The following STAU1 variants were observed in gnomAD, a reference collection of about 807,000 sequenced individuals.
STAU1 encodes double-stranded RNA-binding protein Staufen homolog 1.
Under a neutral mutation model 62.9 loss-of-function variants are expected in STAU1, and 13 were observed. The observed-to-expected ratio is 0.21, with a 90% CI of 0.13 to 0.33. STAU1 has a LOEUF of 0.33. STAU1 is among the 10% of genes least tolerant of loss of function. The pLI, the probability that STAU1 is intolerant of heterozygous loss-of-function variation, is 1.00. For synonymous variants in STAU1, 269 were observed against 265.1 expected, an observed-to-expected ratio of 1.01 and a Z score of -0.14; for missense variants, 571 against 712.1, an observed-to-expected ratio of 0.80 and a Z score of 2.25.
chr20:49,160,286 T>A (rs976209876), intron 3 of STAU1, among the ~76,000 whole-genome samples: 9 of 152,212 alleles, frequency 5.9e-5, no homozygotes, highest in African/African-American at 2.2e-4. Context: ...TTATGTTACT[T>A]TCAGTCAAAT....
the STAU1 span, among the ~76,000 whole-genome samples, chr20:49,193,792 C>T: frequency 6.6e-6 from 1 of 151,852 alleles, no homozygotes; most frequent in African/African-American, 2.4e-5. Flanking sequence ...CACAGTGAAA[C>T]AACGTCTCTA....
chr20:49,121,812 T>C (rs982023285), intron 8 of STAU1, among the ~76,000 whole-genome samples: 14 of 152,212 alleles, frequency 9.2e-5, no homozygotes, highest in African/African-American at 3.1e-4. Flanking sequence ...AAGAGCTGGT[T>C]GTTAAACATG....
chr20:49,196,444 C>CA, the STAU1 span, among the ~76,000 whole-genome samples: 11,948 of 91,476 alleles, frequency 0.13, 884 homozygotes, highest in African/African-American at 0.26. Context: ...CAAAACAAAA[C>CA]AAAAAAAAAA....
intron 5 of STAU1, among the ~76,000 whole-genome samples, chr20:49,142,377 C>T (rs936957744): frequency 5.9e-5 from 9 of 152,122 alleles, no homozygotes; most frequent in African/African-American, 2.2e-4. Flanking sequence ...CGTGAGCCAC[C>T]GTGCCCAGCC....
chr20:49,115,999 TAAATA>T (rs368711782), intron 12 of STAU1, 132 bp from the exon 13 acceptor site: 21 of 639,822 alleles, frequency 3.3e-5, no homozygotes, highest in African/African-American at 2.6e-4. Flanking sequence ...CTGGTACTAC[TAAATA>T]AAACTTTGAA....
intron 7 of STAU1, 97 bp from the exon 8 acceptor site, chr20:49,123,332 G>A: frequency 6.5e-7 from 1 of 1,533,248 alleles, no homozygotes; most frequent in East Asian, 2.3e-5. Flanking sequence ...AGAGATTTTG[G>A]GTTGACCTAA....
chr20:49,129,621 G>C (rs2092708925), intron 6 of STAU1, among the ~76,000 whole-genome samples: 1 of 142,100 alleles, frequency 7.0e-6, no homozygotes, highest in Non-Finnish European at 1.5e-5. Flanking sequence ...TTAGAAAACA[G>C]TTTGGCAACT....
At chr20:49,174,984 C>A (rs1481498515) in intron 1 of STAU1, among the ~76,000 whole-genome samples, 1 of 148,598 alleles carries the variant, frequency 6.7e-6, no homozygotes, top group African/African-American at 2.5e-5. Flanking sequence ...CATGGGGAAA[C>A]CCATCTCTAC....
chr20:49,148,464 A>T (rs899270359), intron 5 of STAU1, among the ~76,000 whole-genome samples: 1 of 152,246 alleles, frequency 6.6e-6, no homozygotes, highest in African/African-American at 2.4e-5. Context: ...CTGAAATCCA[A>T]AACACTTCTA....
intron 6 of STAU1, among the ~76,000 whole-genome samples, chr20:49,126,588 C>CAAAAAAAAAAAAAAAAAAAAAAAAACAA: frequency 1.8e-5 from 1 of 56,346 alleles, no homozygotes; most frequent in Non-Finnish European, 3.7e-5. Flanking sequence ...AAAAAAAAAA[C>CAAAAAAAAAAAAAAAAAAAAAAAAACAA]AAAAAAAAAA....
chr20:49,206,323 G>A, the STAU1 span, among the ~76,000 whole-genome samples: 1 of 150,324 alleles, frequency 6.7e-6, no homozygotes. Flanking sequence ...AAAGTAATGT[G>A]TGTCCATAGT....
chr20:49,134,449 A>AAAAAAAAAAAAAAAAAAAAAAGG, intron 6 of STAU1: 1 of 609,626 alleles, frequency 1.6e-6, no homozygotes, highest in Non-Finnish European at 2.9e-6. Context: ...AAAAAAAAAA[A>AAAAAAAAAAAAAAAAAAAAAAGG]GCTCTGGGTT....
intron 6 of STAU1, among the ~76,000 whole-genome samples, chr20:49,129,839 G>A (rs1271539544): frequency 6.6e-6 from 1 of 151,912 alleles, no homozygotes; most frequent in Non-Finnish European, 1.5e-5. Flanking sequence ...TGTTGGCCAG[G>A]CTGGTCTCTA....
chr20:49,202,169 A>G, the STAU1 span, among the ~76,000 whole-genome samples: 43 of 146,448 alleles, frequency 2.9e-4, 2 homozygotes, highest in Non-Finnish European at 4.4e-4. Flanking sequence ...GCAGTGAGCC[A>G]ACATCGTGCC....
intron 1 of STAU1, among the ~76,000 whole-genome samples, chr20:49,183,950 A>T (rs1202504332): frequency 1.4e-5 from 2 of 147,912 alleles, no homozygotes; most frequent in East Asian, 3.9e-4. Context: ...TTTTTTTGAG[A>T]AGTACTTTTG....
At chr20:49,123,816 T>G (rs1254579693) in intron 7 of STAU1, among the ~76,000 whole-genome samples, 1 of 152,192 alleles carries the variant, frequency 6.6e-6, no homozygotes, top group African/African-American at 2.4e-5. Flanking sequence ...AAAATTTGGA[T>G]CTTGATACAG....
In STAU1 at chr20:49,117,826, G is replaced by C. The variant is rs1426079044; in HGVS notation, c.1460C>G (p.Thr487Arg). The change falls in exon 11 of 14, where the codon ACG becomes AGG. Residue 487 changes from threonine to arginine, a missense_variant. Thr to Arg is a moderately conservative substitution (Grantham distance 71). This residue lies in a region of STAU1 where 156 missense variants were observed against 194.7 expected (regional missense o/e 0.80). Coordinates refer to ENST00000371856, the MANE Select transcript of STAU1 (RefSeq NM_017453.4). The surrounding 1 kb of genome is among the most constrained non-coding windows in gnomAD (Gnocchi z 4.6). Reference sequence around the variant, plus strand: ...ATAGTCCAGTTGCTCAGAGGGTCTCGTGAGAGGTCCATGGGGTACGTGGCC... The same window carrying C: ...ATAGTCCAGTTGCTCAGAGGGTCTCCTGAGAGGTCCATGGGGTACGTGGCC... ...SSGHVPHGPL[T>R]RPSEQLDYLS... is the part of the protein sequence containing the mutation. The C allele has an allele frequency of 6.2e-7, 1 of 1,613,972 alleles. No individual in the cohort carries two copies. Among genetic ancestry groups the C allele is most frequent in the South Asian group, 1.1e-5 (1 of 91,084 alleles).
intron 8 of STAU1, among the ~76,000 whole-genome samples, chr20:49,122,101 T>A (rs1358959652): frequency 6.6e-6 from 1 of 152,232 alleles, no homozygotes; most frequent in Non-Finnish European, 1.5e-5. Flanking sequence ...ACTTTCTAAG[T>A]TATAAATTGC....
At chr20:49,173,673 T>C (rs774380550) in intron 2 of STAU1, among the ~76,000 whole-genome samples, 5 of 152,334 alleles carry the variant, frequency 3.3e-5, no homozygotes, top group Non-Finnish European at 7.3e-5. Context: ...TTAACCCACA[T>C]AGTGTATTTT....
Sources: allele counts gnomAD v4.1 joint callset (sites outside exome capture counted in the v4.1 genomes callset), GRCh38; gene constraint gnomAD v4.1.1; regional missense constraint gnomAD v4.1.1; non-coding constraint Gnocchi (gnomAD v3.1); transcripts MANE v1.5; gene names NCBI Gene and HGNC (gene_info 2026-07-23, HGNC 2026-07-21).